The following SACS variants were observed in gnomAD, a reference collection of about 807,000 sequenced individuals.
SACS encodes the protein sacsin.
SACS carries 197 observed loss-of-function variants against 348.0 expected under a neutral mutation model. That is an observed-to-expected ratio of 0.57 (90% confidence interval 0.50 to 0.64). The LOEUF (loss-of-function observed/expected upper bound fraction) is 0.64. Ranked by LOEUF, SACS falls within the 30% of genes least tolerant of loss-of-function variation. The pLI is 0.00. For missense variants in SACS, 4,999 were observed against 5,360.8 expected (o/e 0.93, Z 2.11); for synonymous variants, 1,985 against 1,910.6 (o/e 1.04, Z -1.02).
At chr13:23,397,210 C>T (rs891100952) in intron 2 of SACS, among the ~76,000 whole-genome samples, 1 of 152,076 alleles carries the variant, frequency 6.6e-6, no homozygotes, top group Non-Finnish European at 1.5e-5. Flanking sequence ...GAAACTATTA[C>T]AATTAATAAG....
intron 1 of SACS, among the ~76,000 whole-genome samples, chr13:23,414,228 C>T (rs570008172): frequency 2.6e-5 from 4 of 152,276 alleles, no homozygotes; most frequent in South Asian, 2.1e-4. Flanking sequence ...GGTGTGAACC[C>T]GGAAGGCGGA....
chr13:23,411,110 T>A lies in SACS; in HGVS notation c.20+110A>T, dbSNP rs1165825825. 4.6e-5 allele frequency: 41 copies of A among 884,636 alleles called. No homozygotes were observed. In the East Asian group the frequency reaches 9.3e-4, roughly 20 times the overall value. The allele number at this position is 884,636 out of a possible 1,614,324, so 54.8% of individuals were successfully genotyped here. A position where few individuals can be genotyped will look rare whatever the true frequency, so the allele number is the denominator to read the frequency against. ...GAGATATGGATGGTTAGTTCACTTT[T>A]ACCTCTCGAGTGCTTTCATTTGTTT... On this transcript the variant is annotated intron_variant, in intron 2 of 9. Transcript: ENST00000382292.
chr13:23,397,138 C>T (rs1045933427), intron 2 of SACS, among the ~76,000 whole-genome samples: 5 of 147,790 alleles, frequency 3.4e-5, no homozygotes, highest in African/African-American at 1.2e-4. Context: ...TGTCTACTTC[C>T]TAGTTCTCTC....
chr13:23,378,948 A>T (rs1323603440), intron 2 of SACS, among the ~76,000 whole-genome samples: 1 of 152,354 alleles, frequency 6.6e-6, no homozygotes, highest in East Asian at 1.9e-4. Flanking sequence ...AAAAGGGAAT[A>T]GAGTAAAAAA....
chr13:23,355,030 C>A lies in SACS; in HGVS notation c.1582G>T (p.Val528Phe). The A allele has an allele frequency of 6.2e-7, 1 of 1,614,210 alleles. No homozygotes were observed. Among genetic ancestry groups the A allele is most frequent in the Non-Finnish European group, 8.5e-7 (1 of 1,180,048 alleles). Residue 528 changes from valine (V) to phenylalanine (F), a missense_variant, in exon 8 of 10, where the codon GTT becomes TTT. Transcript: ENST00000382292. ...MEKSSDFPLS[V>F]DVIYKLWPEA... ...GGCCAAAGCTTATAGATAACATCAA[C>A]TGACAAGGGGAAATCAGAGCTCTTT...
intron 9 of SACS, among the ~76,000 whole-genome samples, chr13:23,343,861 G>A (rs762485552): frequency 2.6e-5 from 4 of 152,160 alleles, no homozygotes; most frequent in Non-Finnish European, 5.9e-5. Flanking sequence ...TGCCTTTCAT[G>A]TAACAATAAG....
chr13:23,377,133 G>T (rs1394287653), intron 2 of SACS, among the ~76,000 whole-genome samples: 1 of 152,182 alleles, frequency 6.6e-6, no homozygotes, highest in Non-Finnish European at 1.5e-5. Context: ...GGCTGTGGGG[G>T]GAGGGAACGA....
chr13:23,378,637 C>T (rs1172234583), intron 2 of SACS, among the ~76,000 whole-genome samples: 7 of 152,122 alleles, frequency 4.6e-5, no homozygotes, highest in East Asian at 3.9e-4. Flanking sequence ...GACAGGGTTT[C>T]GCCATGTTGG....
chr13:23,391,770 C>T (rs1872534273), intron 2 of SACS, among the ~76,000 whole-genome samples: 1 of 151,538 alleles, frequency 6.6e-6, no homozygotes. Context: ...AGTATGATCG[C>T]CTATTCCATC....
Position 23,333,620 on chromosome 13 carries a change from C to T in SACS, c.10256G>A (p.Arg3419His), listed in dbSNP as rs536675517. ...TCCAAATTTTCCAATGCTTACATAG[C>T]GGCCACTGATGGATTTATAGCACGG... ...SLPCYKSISG[R>H]YVSIGKFGTC... The change falls in exon 10 of 10, where the codon CGC becomes CAC. Residue 3419 changes from arginine (R) to histidine (H), a missense_variant. Arg to His is a conservative substitution (Grantham distance 29). Coordinates refer to ENST00000382292, the MANE Select transcript of SACS (RefSeq NM_014363.6). The T allele has an allele frequency of 1.1e-5, 18 of 1,613,680 alleles. No individual in the cohort carries two copies. The African/African-American group carries it at 1.2e-4, about 11-fold the overall frequency.
In SACS at chr13:23,380,141, G is replaced by GTT. The variant is rs1484698737; in HGVS notation, c.21-4873_21-4872insAA. On this transcript the variant is annotated intron_variant, in intron 2 of 9. Transcript: ENST00000382292. ...TTCCCTCGTGTGTGTGTGTGTGTGT[G>GTT]TGTGTGTGAGAGAGAGAGAGAGAGA... Among the ~76,000 whole-genome samples the GTT allele has an allele frequency of 4.7e-3, 534 of 113,536 alleles. 4 individuals carry two copies. The highest frequency in any genetic ancestry group is 9.8e-4 in the Non-Finnish European group (48 of 49,042). 74.5% of individuals were successfully genotyped at this position (113,536 alleles called of 152,430 possible).
Position 23,353,688 on chromosome 13 carries a change from T to G in SACS, c.2185+97A>C, listed in dbSNP as rs1380429292. The G allele has an allele frequency of 7.2e-6, 5 of 692,490 alleles. No individual in the cohort carries two copies. The East Asian group carries it at 1.1e-4, about 15-fold the overall frequency. 42.9% of individuals were successfully genotyped at this position (692,490 alleles called of 1,614,324 possible). A position where few individuals can be genotyped will look rare whatever the true frequency, so the allele number is the denominator to read the frequency against. ...GTTTATTAGCTTGAGCCATAAGAAA[T>G]TGTTGATTTATAGGTCTAAAATGAA... On this transcript the variant is annotated intron_variant, in intron 9 of 9. Transcript: ENST00000382292.
At position 23,338,729 on chromosome 13, in the gene SACS, T is replaced by C. The variant is rs199998045; in HGVS notation, c.5147A>G (p.Lys1716Arg). The part of the protein sequence containing the change: ...SLAQDTVIIK[K>R]KSCSSKALNT... ...CAATGCTTTGGAAGAGCAGGATTTT[T>C]TTTTAATTATTACTGTATCTTGTGC... Residue 1716 changes from lysine to arginine, a missense_variant, in exon 10 of 10, where the codon AAA becomes AGA. By Grantham distance (26) the Lys-to-Arg change is conservative. Around this residue, in one of 6 missense-constraint regions of SACS, gnomAD observed 3,156 missense variants for 3,380.1 expected, o/e 0.93. Coordinates refer to ENST00000382292, the MANE Select transcript of SACS (RefSeq NM_014363.6). 1.9e-5 allele frequency: 31 copies of C among 1,608,046 alleles called. No homozygotes were observed. The highest frequency in any genetic ancestry group is 1.2e-4 in the Admixed American group (7 of 58,802).
chr13:23,398,168 G>T (rs1042468231), intron 2 of SACS, among the ~76,000 whole-genome samples: 1 of 151,806 alleles, frequency 6.6e-6, no homozygotes, highest in African/African-American at 2.4e-5. Flanking sequence ...TCCAGCCTGG[G>T]CAACAAGAGC....
At chr13:23,365,030 A>C in intron 6 of SACS, 136 bp downstream of exon 6, 1 of 605,416 alleles carries the variant, frequency 1.7e-6, no homozygotes, top group Middle Eastern at 3.7e-4. Flanking sequence ...AAGCAGAGAA[A>C]AACATCTGAA....
chr13:23,374,918 T>TG (rs1365043683), intron 3 of SACS, among the ~76,000 whole-genome samples: 1 of 150,792 alleles, frequency 6.6e-6, no homozygotes, highest in Non-Finnish European at 1.5e-5. Flanking sequence ...TCAGATGAAA[T>TG]GATGGGTGGG....
chr13:23,330,650 T>A lies in SACS; in HGVS notation c.13226A>T (p.Lys4409Ile). ...TTTGTTCTGTTGCTGTCTTTCAGAT[T>A]TATGGCTCGTTGCTTCTTGATTCCA... ...TSWNQEATSH[K>I]SERQQQNKEK... Residue 4409 changes from lysine to isoleucine, a missense_variant, in exon 10 of 10, where the codon AAA becomes ATA. Physicochemically the swap from Lys to Ile is moderately radical, Grantham distance 102. This residue lies in a region of SACS where 254 missense variants were observed against 275.1 expected (regional missense o/e 0.92). Coordinates refer to ENST00000382292, the MANE Select transcript of SACS (RefSeq NM_014363.6). 6.2e-7 allele frequency: 1 copy of A among 1,614,066 alleles called. No individual in the cohort carries two copies. The highest frequency in any genetic ancestry group is 2.2e-5 in the East Asian group (1 of 44,876).
chr13:23,353,778 A>G lies in SACS; in HGVS notation c.2185+7T>C, dbSNP rs763246809. ...AGTTTATTTAAAAGAATACTAAACT[A>G]TAATACCTCGGGTTTGGGCAGCTTC... On this transcript the variant is annotated splice_region_variant and intron_variant, in intron 9 of 9. Coordinates refer to ENST00000382292, the MANE Select transcript of SACS (RefSeq NM_014363.6). 6.6e-7 allele frequency: 1 copy of G among 1,521,682 alleles called. No homozygotes were observed. The highest frequency in any genetic ancestry group is 1.7e-5 in the Admixed American group (1 of 59,584). 94.3% of individuals were successfully genotyped at this position (1,521,682 alleles called of 1,614,324 possible). A position where few individuals can be genotyped will look rare whatever the true frequency, so the allele number is the denominator to read the frequency against.
intron 3 of SACS, among the ~76,000 whole-genome samples, chr13:23,374,610 T>C (rs973665595): frequency 2.0e-5 from 3 of 152,260 alleles, no homozygotes; most frequent in Non-Finnish European, 4.4e-5. Flanking sequence ...TTCTGACCTA[T>C]CAAGTCAACC....
Sources: allele counts gnomAD v4.1 joint callset (sites outside exome capture counted in the v4.1 genomes callset), GRCh38; gene constraint gnomAD v4.1.1; regional missense constraint gnomAD v4.1.1; transcripts MANE v1.5; gene names NCBI Gene and HGNC (gene_info 2026-07-23, HGNC 2026-07-21).